SDK2: variants seen among roughly 807,000 people sequenced by gnomAD.
The protein encoded by SDK2 is sidekick cell adhesion molecule 2.
Under a neutral mutation model 253.9 loss-of-function variants are expected in SDK2, and 105 were observed. The ratio of observed to expected loss-of-function variants is 0.41; its 90% CI spans 0.35 to 0.49. The LOEUF (loss-of-function observed/expected upper bound fraction) is 0.49. SDK2 is among the 20% of genes least tolerant of loss of function. The pLI, the probability that SDK2 is intolerant of heterozygous loss-of-function variation, is 0.06. For synonymous variants in SDK2, 1,249 were observed against 1,234.9 expected (o/e 1.01, Z -0.24); for missense variants, 2,608 against 3,003.0 (o/e 0.87, Z 3.07).
rs1259803329 is a variant in SDK2, at chr17:73,384,017, G to A, written c.4570-6C>T. 2 of 1,613,124 alleles carry A rather than the reference G, an allele frequency of 1.2e-6. No homozygotes were observed. Among genetic ancestry groups the A allele is most frequent in the African/African-American group, 1.3e-5 (1 of 75,048 alleles). On this transcript the variant is annotated splice_region_variant and splice_polypyrimidine_tract_variant and intron_variant, in intron 32 of 44. Transcript: ENST00000392650. ...ATCTTGTCCTCTGCTGGCGGCTGCAGGAAGGGAGTAGGGCATGGGGAGGGC... is the reference window on the plus strand; with the variant it reads ...ATCTTGTCCTCTGCTGGCGGCTGCAAGAAGGGAGTAGGGCATGGGGAGGGC...
At chr17:73,565,152 T>C (rs146442783) in intron 1 of SDK2, among the ~76,000 whole-genome samples, 5 of 152,298 alleles carry the variant, frequency 3.3e-5, no homozygotes, top group Non-Finnish European at 7.4e-5. Flanking sequence ...AGGACAGAGT[T>C]TGCGGCAACC....
intron 1 of SDK2, among the ~76,000 whole-genome samples, chr17:73,563,191 AC>A (rs2045263922): frequency 1.3e-5 from 2 of 152,226 alleles, no homozygotes; most frequent in African/African-American, 4.8e-5. Flanking sequence ...TTCTCTTCGA[AC>A]CAGAAATATC....
chr17:73,387,326 T>G lies in SDK2; in HGVS notation c.4394+510A>C, dbSNP rs138850747. The stretch of plus-strand genomic sequence containing the variant: ...CTCAAGAGTTAAGCAGTACTTCATC[T>G]CTATAAGCCTTATTTCCTCTGGGAG... On this transcript the variant is annotated intron_variant, in intron 30 of 44. Transcript: ENST00000392650. Among the ~76,000 whole-genome samples the G allele has an allele frequency of 3.9e-3, 589 of 152,272 alleles. 4 individuals are homozygous for G. Among genetic ancestry groups the G allele is most frequent in the African/African-American group, 0.014 (564 of 41,548 alleles).
chr17:73,492,761 A>G (rs368340324), intron 2 of SDK2, among the ~76,000 whole-genome samples: 6 of 152,220 alleles, frequency 3.9e-5, no homozygotes, highest in African/African-American at 7.2e-5. Context: ...CAGGGCGACG[A>G]AGACACAGGG....
At chr17:73,419,535 A>T (rs1458786165) in intron 15 of SDK2, among the ~76,000 whole-genome samples, 1 of 152,020 alleles carries the variant, frequency 6.6e-6, no homozygotes, top group Non-Finnish European at 1.5e-5. Context: ...GATACTACAT[A>T]TATAGTCTCT....
chr17:73,432,017 AC>A (rs2063329998), intron 10 of SDK2, among the ~76,000 whole-genome samples: 1 of 151,984 alleles, frequency 6.6e-6, no homozygotes, highest in Non-Finnish European at 1.5e-5. Flanking sequence ...GGCAGCTGGC[AC>A]CCGGGTTGGG....
rs139299054 is a variant in SDK2, at chr17:73,395,092, C to G, written c.3592+63G>C. On this transcript the variant is annotated intron_variant, in intron 25 of 44. Coordinates refer to ENST00000392650, the MANE Select transcript of SDK2 (RefSeq NM_001144952.2). The surrounding 1 kb of genome is among the most constrained non-coding windows in gnomAD (Gnocchi z 4.3). ...CAGCCTGGCACGCGCTTGGATGACC[C>G]TGAGGGCATAGAGACCAAGGAGGGG... is the stretch of plus-strand genomic sequence containing the variant. The G allele has an allele frequency of 5.4e-5, 73 of 1,350,884 alleles. No homozygotes were observed. The East Asian group carries it at 1.7e-3, about 32-fold the overall frequency. 83.7% of individuals were successfully genotyped at this position (1,350,884 alleles called of 1,614,324 possible). A position where few individuals can be genotyped will look rare whatever the true frequency, so the allele number is the denominator to read the frequency against.
chr17:73,573,196 C>A (rs766106316), intron 1 of SDK2, among the ~76,000 whole-genome samples: 1 of 152,212 alleles, frequency 6.6e-6, no homozygotes, highest in Non-Finnish European at 1.5e-5. Context: ...AGAACACACT[C>A]TGGGCCAGCA....
chr17:73,630,812 C>T (rs1191974723), intron 1 of SDK2, among the ~76,000 whole-genome samples: 3 of 152,082 alleles, frequency 2.0e-5, no homozygotes, highest in Non-Finnish European at 4.4e-5. Flanking sequence ...CACCACTGTC[C>T]ACCCCGCTTG....
At chr17:73,542,722 C>A (rs1257776819) in intron 1 of SDK2, among the ~76,000 whole-genome samples, 1 of 152,146 alleles carries the variant, frequency 6.6e-6, no homozygotes, top group Non-Finnish European at 1.5e-5. Context: ...TCTAGCAGGG[C>A]CAGGCTGGGA....
intron 1 of SDK2, among the ~76,000 whole-genome samples, chr17:73,577,924 G>A (rs138282601): frequency 4.6e-5 from 7 of 152,294 alleles, no homozygotes; most frequent in African/African-American, 1.7e-4. Flanking sequence ...TGTAACATGA[G>A]GGTCCTGAAA....
chr17:73,379,048 G>A lies in SDK2; in HGVS notation c.4980+129C>T. On this transcript the variant is annotated intron_variant, in intron 36 of 44. Coordinates refer to ENST00000392650, the MANE Select transcript of SDK2 (RefSeq NM_001144952.2). The surrounding 1 kb of genome is among the most constrained non-coding windows in gnomAD (Gnocchi z 4.5). Reference sequence around the variant, plus strand: ...TGGCAGGTGTACCACAGAGCCTGAAGGGCCGAGGAGCTGGCTGGATGAATG... The same window carrying A: ...TGGCAGGTGTACCACAGAGCCTGAAAGGCCGAGGAGCTGGCTGGATGAATG... 1.5e-6 allele frequency: 1 copy of A among 679,988 alleles called. No individual in the cohort carries two copies. The highest frequency in any genetic ancestry group is 1.8e-5 in the African/African-American group (1 of 55,982). The allele number at this position is 679,988 out of a possible 1,614,324, so 42.1% of individuals were successfully genotyped here.
intron 36 of SDK2, among the ~76,000 whole-genome samples, chr17:73,370,991 G>A (rs1020357615): frequency 2.6e-5 from 4 of 151,992 alleles, no homozygotes; most frequent in Non-Finnish European, 5.9e-5. Context: ...TGGAACCCGG[G>A]AGGTGAAGGT....
Position 73,383,767 on chromosome 17 carries a change from G to C in SDK2, c.4705+109C>G, listed in dbSNP as rs1350246425. 5.1e-6 allele frequency: 7 copies of C among 1,366,226 alleles called. No homozygotes were observed. In the East Asian group the frequency reaches 1.6e-4, roughly 32 times the overall value. 84.6% of individuals were successfully genotyped at this position (1,366,226 alleles called of 1,614,324 possible). The stretch of plus-strand genomic sequence containing the variant: ...GGAGAGGCACACATGGAGGAGGGAG[G>C]CAAGGTTTCAGGTTAGAGTGGTTCC... On this transcript the variant is annotated intron_variant, in intron 33 of 44. Transcript: ENST00000392650. The surrounding 1 kb of genome is among the most constrained non-coding windows in gnomAD (Gnocchi z 4.3).
At position 73,359,388 on chromosome 17, in the gene SDK2, C is replaced by T. The variant is rs1022496193; in HGVS notation, c.5468-1184G>A. 3.9e-5 allele frequency among the ~76,000 whole-genome samples: 6 copies of T among 152,298 alleles called. No homozygotes were observed. In the East Asian group the frequency reaches 5.8e-4, roughly 15 times the overall value. ...ATTGGAGGGCACCATTTCCTTCCTT[C>T]CCTATGGAGCAGCCTGTCTGCAGCA... is the stretch of plus-strand genomic sequence containing the variant. On this transcript the variant is annotated intron_variant, in intron 39 of 44. Transcript: ENST00000392650.
At chr17:73,398,010 A>T in intron 24 of SDK2, 25 bp downstream of exon 24, 4 of 1,605,366 alleles carry the variant, frequency 2.5e-6, no homozygotes, top group Non-Finnish European at 3.4e-6. Flanking sequence ...GAGAGGTCCC[A>T]CCCCTGCCCT....
chr17:73,370,273 C>T (rs1438019596), intron 36 of SDK2, among the ~76,000 whole-genome samples: 1 of 152,162 alleles, frequency 6.6e-6, no homozygotes, highest in East Asian at 1.9e-4. Flanking sequence ...AGACAGGCCT[C>T]ACTCTGTTGC....
chr17:73,482,512 C>A (rs1344480794), intron 2 of SDK2, among the ~76,000 whole-genome samples: 1 of 152,246 alleles, frequency 6.6e-6, no homozygotes, highest in Non-Finnish European at 1.5e-5. Flanking sequence ...CCGATTGATC[C>A]CCCGGCCCTG....
intron 1 of SDK2, among the ~76,000 whole-genome samples, chr17:73,547,725 G>A (rs1042186177): frequency 2.6e-5 from 4 of 152,202 alleles, no homozygotes; most frequent in African/African-American, 7.2e-5. Context: ...CAGGGGGTCC[G>A]GGGCTGTGCT....
Sources: gnomAD v4.1 joint callset for allele counts (sites outside exome capture counted in the v4.1 genomes callset) on GRCh38, gnomAD v4.1.1 for gene constraint, Gnocchi (gnomAD v3.1) non-coding constraint, MANE v1.5 for transcripts, NCBI Gene and HGNC (gene_info 2026-07-23, HGNC 2026-07-21) for gene names.